The following FN1 variants were observed in gnomAD, a reference collection of about 807,000 sequenced individuals.
The protein encoded by FN1 is fibronectin 1, also known as fibronectin.
Under a neutral mutation model 297.3 loss-of-function variants are expected in FN1, and 106 were observed. The ratio of observed to expected loss-of-function variants is 0.36; its 90% CI spans 0.30 to 0.42. FN1 has a LOEUF of 0.42. Among genes scored for constraint, FN1 ranks in the 10% least tolerant of loss-of-function variants. FN1 has a pLI of 1.00. For missense variants in FN1, 2,690 were observed against 3,124.9 expected (o/e 0.86, Z 3.32); for synonymous variants, 1,149 against 1,152.6 (o/e 1.00, Z 0.06).
chr2:215,419,993 G>A (rs1299421650), intron 11 of FN1, among the ~76,000 whole-genome samples: 2 of 152,100 alleles, frequency 1.3e-5, no homozygotes, highest in East Asian at 1.9e-4. Flanking sequence ...TGTAGTGCTG[G>A]TAACACAGCT....
chr2:215,422,867 A>C (rs2064664359), intron 9 of FN1, among the ~76,000 whole-genome samples: 1 of 152,118 alleles, frequency 6.6e-6, no homozygotes, highest in Non-Finnish European at 1.5e-5. Context: ...AAAGAGTGAG[A>C]TTCCCTACCT....
intron 44 of FN1, chr2:215,362,364 C>T: frequency 2.3e-6 from 1 of 429,596 alleles, no homozygotes; most frequent in Non-Finnish European, 4.3e-6. Context: ...AGGCTCATTC[C>T]AATCCCAACT....
intron 44 of FN1, 177 bp from the exon 45 acceptor site, chr2:215,362,256 G>T (rs1218187147): frequency 1.6e-6 from 1 of 634,960 alleles, no homozygotes; most frequent in Admixed American, 2.3e-5. Flanking sequence ...ATACATTTTG[G>T]CTTATTACCA....
At chr2:215,433,088 A>AT (rs1227144754) in intron 3 of FN1, among the ~76,000 whole-genome samples, 1 of 152,140 alleles carries the variant, frequency 6.6e-6, no homozygotes, top group African/African-American at 2.4e-5. Context: ...ACACACACTC[A>AT]TAAATGCACA....
chr2:215,378,077 G>A (rs2057636880), intron 35 of FN1, 98 bp downstream of exon 35: 1 of 833,410 alleles, frequency 1.2e-6, no homozygotes, highest in South Asian at 1.4e-5. Flanking sequence ...CAAAGTGCTT[G>A]GATTTTAGAC....
chr2:215,383,494 A>C lies in FN1; in HGVS notation c.4895-11T>G. 6.2e-7 allele frequency: 1 copy of C among 1,614,112 alleles called. No individual in the cohort carries two copies. The highest frequency in any genetic ancestry group is 8.5e-7 in the Non-Finnish European group (1 of 1,179,982). ...ATGGTTTGTCAATTTCTACAAATAAAAGCAGGGAGAAACCAGTGAAGCCCC... is the reference window on the plus strand; with the variant it reads ...ATGGTTTGTCAATTTCTACAAATAACAGCAGGGAGAAACCAGTGAAGCCCC... On this transcript the variant is annotated splice_polypyrimidine_tract_variant and intron_variant, in intron 30 of 45. Coordinates refer to ENST00000354785, the MANE Select transcript of FN1 (RefSeq NM_212482.4).
chr2:215,375,168 G>A lies in FN1; in HGVS notation c.6157+46C>T. 1.9e-6 allele frequency: 3 copies of A among 1,575,064 alleles called. No individual in the cohort carries two copies. The South Asian group carries it at 3.3e-5, about 17-fold the overall frequency. On this transcript the variant is annotated intron_variant, in intron 38 of 45. Coordinates refer to ENST00000354785, the MANE Select transcript of FN1 (RefSeq NM_212482.4). ...TGGGAGTTTGCTAAGGACTTCATGT[G>A]TCCTAGGTAGTAAGAAGGAAAATGA...
intron 27 of FN1, among the ~76,000 whole-genome samples, 196 bp from the exon 28 acceptor site, chr2:215,387,154 G>A (rs2059131871): frequency 6.6e-6 from 1 of 152,078 alleles, no homozygotes; most frequent in Non-Finnish European, 1.5e-5. Context: ...ATCTTAAATT[G>A]ACTCAATTCA....
intron 13 of FN1, among the ~76,000 whole-genome samples, chr2:215,410,592 C>G (rs2062478999): frequency 2.6e-5 from 4 of 151,882 alleles, no homozygotes; most frequent in Admixed American, 1.3e-4. Context: ...ACTGCAAACT[C>G]CACCTCCCAG....
rs556762295 is a variant in FN1, at chr2:215,425,719, A to AT, written c.845-435dup. On this transcript the variant is annotated intron_variant, in intron 6 of 45. Transcript: ENST00000354785. ...AGGCACGCACCACCATGCCCAGCTGATTTTTTTTGTATTTTTTAGTAGAGA... is the reference window on the plus strand; with the variant it reads ...AGGCACGCACCACCATGCCCAGCTGATTTTTTTTTGTATTTTTTAGTAGAGA... Among the ~76,000 whole-genome samples, 165 of 151,574 alleles carry AT rather than the reference A, an allele frequency of 1.1e-3. 1 individual carries two copies. The South Asian group carries it at 0.014, about 13-fold the overall frequency.
rs781284768 is a variant in FN1 at position 215,414,934 on chromosome 2, A to T, written c.1844T>A (p.Phe615Tyr). Reference sequence around the variant, plus strand: ...GGGCTGACTCGGAGTCTCAGTGATAAATACTTCGACAGGACCACTTGAGCC... The same window carrying T: ...GGGCTGACTCGGAGTCTCAGTGATATATACTTCGACAGGACCACTTGAGCC... Reference protein sequence around the residue: ...YPSSSGPVEVFITETPSQPNS... With the variant: ...YPSSSGPVEVYITETPSQPNS... The change falls in exon 13 of 46, where the codon TTT becomes TAT. Residue 615 changes from phenylalanine to tyrosine, a missense_variant. By Grantham distance (22) the Phe-to-Tyr change is conservative. Transcript: ENST00000354785. 3.7e-6 allele frequency: 6 copies of T among 1,613,880 alleles called. No individual in the cohort carries two copies. In the Admixed American group the frequency reaches 8.3e-5, roughly 22 times the overall value.
chr2:215,382,200 G>C lies in FN1; in HGVS notation c.5164+12C>G. The C allele has an allele frequency of 6.3e-7, 1 of 1,576,214 alleles. No individual in the cohort carries two copies. Among genetic ancestry groups the C allele is most frequent in the Non-Finnish European group, 8.7e-7 (1 of 1,145,298 alleles). On this transcript the variant is annotated intron_variant, in intron 32 of 45. Transcript: ENST00000354785. ...TGACTTTGAAAATGGAAACCAAGCA[G>C]TGGTTACGTACTGGTTACTGCAGTC...
At chr2:215,388,976 T>C (rs1376513428) in intron 26 of FN1, among the ~76,000 whole-genome samples, 1 of 152,216 alleles carries the variant, frequency 6.6e-6, no homozygotes, top group Non-Finnish European at 1.5e-5. Context: ...GTGGTCTTAA[T>C]AATTAACCTT....
intron 20 of FN1, among the ~76,000 whole-genome samples, chr2:215,401,188 A>G (rs1357566839): frequency 8.4e-6 from 1 of 119,264 alleles, no homozygotes; most frequent in Non-Finnish European, 1.8e-5. Flanking sequence ...AGAGTGAGAG[A>G]GAAAGAAAGA....
chr2:215,433,694 C>A (rs951225149), intron 2 of FN1, among the ~76,000 whole-genome samples: 1 of 152,206 alleles, frequency 6.6e-6, no homozygotes, highest in African/African-American at 2.4e-5. Context: ...GTAGAAAAAT[C>A]TCAGGCTCTT....
At chr2:215,370,085 C>T (rs555087133) in intron 41 of FN1, among the ~76,000 whole-genome samples, 6 of 152,174 alleles carry the variant, frequency 3.9e-5, no homozygotes, top group East Asian at 1.9e-4. Flanking sequence ...CTGTCAATTA[C>T]GTATGCATTT....
At chr2:215,427,859 T>A (rs910070061) in intron 6 of FN1, among the ~76,000 whole-genome samples, 4 of 152,156 alleles carry the variant, frequency 2.6e-5, no homozygotes, top group African/African-American at 9.7e-5. Context: ...AAAATACGTG[T>A]GTGTGTGCGT....
At chr2:215,382,091 C>G (rs942336775) in intron 32 of FN1, 121 bp downstream of exon 32, 6 of 709,634 alleles carry the variant, frequency 8.5e-6, no homozygotes, top group African/African-American at 1.7e-5. Flanking sequence ...CAGCTCAAGA[C>G]ATAAACTAAC....
rs1221407706 is a variant in FN1 at position 215,435,696 on chromosome 2, A to G, written c.107T>C (p.Met36Thr). The G allele has an allele frequency of 6.2e-7, 1 of 1,613,084 alleles. No homozygotes were observed. Reference protein sequence around the residue: ...ASKSKRQAQQMVQPQSPVAVS... With the variant: ...ASKSKRQAQQTVQPQSPVAVS... ...AGCCACCGGGGACTGGGGCTGAACC[A>G]TTTGCTGAGCCTGCCTCTTGCTCTT... is the stretch of plus-strand genomic sequence containing the variant. The change falls in exon 1 of 46, where the codon ATG (methionine) becomes ACG (threonine). Residue 36 changes from methionine (M) to threonine (T), a missense_variant. This residue lies in a region of FN1 where 876 missense variants were observed against 1,058.1 expected (regional missense o/e 0.83). Coordinates refer to ENST00000354785, the MANE Select transcript of FN1 (RefSeq NM_212482.4).
Sources: allele counts gnomAD v4.1 joint callset (sites outside exome capture counted in the v4.1 genomes callset), GRCh38; gene constraint gnomAD v4.1.1; regional missense constraint gnomAD v4.1.1; transcripts MANE v1.5; gene names NCBI Gene and HGNC (gene_info 2026-07-23, HGNC 2026-07-21).